ARMC2: variants seen among roughly 807,000 people sequenced by gnomAD.
The protein encoded by ARMC2 is armadillo repeat containing 2.
ARMC2 carries 67 observed loss-of-function variants against 90.3 expected under a neutral mutation model. That is an observed-to-expected ratio of 0.74 (90% CI 0.61 to 0.91). The LOEUF (loss-of-function observed/expected upper bound fraction) is 0.91, where lower values mean the gene tolerates loss of function less well. ARMC2 is among the 40% of genes least tolerant of loss of function. The pLI is 0.00. For synonymous variants in ARMC2, 393 were observed against 393.0 expected (o/e 1.00, Z 0.00); for missense variants, 920 against 1,030.9 (o/e 0.89, Z 1.47).
At chr6:108,948,684 TC>T (rs1303058133) in intron 12 of ARMC2, among the ~76,000 whole-genome samples, 1 of 151,768 alleles carries the variant, frequency 6.6e-6, no homozygotes, top group Non-Finnish European at 1.5e-5. Flanking sequence ...TAGAGCTTCT[TC>T]TTCTGCACTG....
At chr6:108,924,382 G>C (rs988130027) in intron 10 of ARMC2, among the ~76,000 whole-genome samples, 3 of 152,170 alleles carry the variant, frequency 2.0e-5, no homozygotes, top group African/African-American at 7.2e-5. Flanking sequence ...GCAGGGTGTG[G>C]TGGTGCTTGC....
chr6:109,013,743 A>G, the ARMC2 span, among the ~76,000 whole-genome samples: 1 of 152,156 alleles, frequency 6.6e-6, no homozygotes. Context: ...TGGGAGTGGG[A>G]TTTGTTACAT....
intron 3 of ARMC2, among the ~76,000 whole-genome samples, chr6:108,861,144 C>CT (rs1453628366): frequency 3.3e-5 from 5 of 152,198 alleles, no homozygotes; most frequent in Non-Finnish European, 7.3e-5. Context: ...ATCCTCCTTA[C>CT]TTTAGCCACT....
Position 108,907,996 on chromosome 6 carries a change from T to C in ARMC2, c.1024-2903T>C, listed in dbSNP as rs1373205616. ...CATTTATTAAGGTTCCCATTTCCTA[T>C]TTTCCTCCTGGGAACAGAAGGAATC... On this transcript the variant is annotated intron_variant, in intron 8 of 17. Coordinates refer to ENST00000392644, the MANE Select transcript of ARMC2 (RefSeq NM_032131.6). The C allele has an allele frequency of 5.5e-6, 5 of 908,668 alleles. No individual in the cohort carries two copies. The Admixed American group carries it at 1.4e-4, about 26-fold the overall frequency. 56.3% of individuals were successfully genotyped at this position (908,668 alleles called of 1,614,324 possible).
In ARMC2 at chr6:108,936,969, G is replaced by A. The variant is rs1352576841; in HGVS notation, c.1566G>A (p.Leu522=). Residue 522 remains leucine (L), a synonymous_variant, in exon 12 of 18, where the codon CTG becomes CTA. Transcript: ENST00000392644. ...ATTCCAGATGTTATGCCTTATTTCT[G>A]AATCTAATTAACAAATACCAGAAGA... ...ASYSRCYALF[L]NLINKYQKKQ... is the part of the protein sequence containing the mutation. The A allele has an allele frequency of 6.2e-7, 1 of 1,600,032 alleles. No individual in the cohort carries two copies. The highest frequency in any genetic ancestry group is 8.5e-7 in the Non-Finnish European group (1 of 1,172,600).
At chr6:108,896,658 G>A (rs759835982) in intron 6 of ARMC2, among the ~76,000 whole-genome samples, 7 of 152,210 alleles carry the variant, frequency 4.6e-5, no homozygotes, top group South Asian at 2.1e-4. Flanking sequence ...AGAAGGGCCC[G>A]TAAGGGTTAA....
intron 1 of ARMC2, among the ~76,000 whole-genome samples, chr6:108,852,040 A>G (rs1774064768): frequency 2.6e-5 from 4 of 152,288 alleles, no homozygotes; most frequent in South Asian, 4.1e-4. Flanking sequence ...GATTTGCTCT[A>G]CTTGGAAGGA....
intron 8 of ARMC2, among the ~76,000 whole-genome samples, chr6:108,908,505 A>T (rs1773045089): frequency 6.6e-6 from 1 of 152,228 alleles, no homozygotes; most frequent in Admixed American, 6.5e-5. Flanking sequence ...CTGAAAACTC[A>T]TTAATAAAAT....
intron 5 of ARMC2, among the ~76,000 whole-genome samples, chr6:108,883,632 C>T (rs1207157830): frequency 1.3e-5 from 2 of 152,122 alleles, no homozygotes; most frequent in African/African-American, 4.8e-5. Context: ...TAATGTTTTT[C>T]ATTACTTTTT....
the ARMC2 span, among the ~76,000 whole-genome samples, chr6:109,048,098 A>G: frequency 1.5e-5 from 2 of 132,516 alleles, no homozygotes; most frequent in Non-Finnish European, 3.4e-5. Flanking sequence ...CAATAAAAAA[A>G]TAAATTAAAA....
the ARMC2 span, among the ~76,000 whole-genome samples, chr6:108,981,497 A>G: frequency 6.6e-6 from 1 of 152,168 alleles, no homozygotes; most frequent in Non-Finnish European, 1.5e-5. Flanking sequence ...GCTCTTGGCA[A>G]CCATCATTCT....
chr6:108,890,757 ATTG>A (rs1288587855), intron 5 of ARMC2, among the ~76,000 whole-genome samples: 2 of 152,062 alleles, frequency 1.3e-5, no homozygotes, highest in African/African-American at 4.8e-5. Context: ...TTCTAACATT[ATTG>A]TTACTTTTTT....
the ARMC2 span, chr6:108,998,782 A>G: frequency 2.5e-6 from 4 of 1,587,448 alleles, no homozygotes; most frequent in Non-Finnish European, 3.4e-6. Flanking sequence ...AAAAGAATAT[A>G]TTTTTGTACT....
intron 17 of ARMC2, among the ~76,000 whole-genome samples, chr6:108,965,978 T>A (rs1030025467): frequency 1.3e-5 from 2 of 151,020 alleles, no homozygotes; most frequent in Non-Finnish European, 2.9e-5. Context: ...ATTTAAAAAA[T>A]TTTTATAATT....
chr6:108,942,450 C>T (rs920531535), intron 12 of ARMC2, among the ~76,000 whole-genome samples: 2 of 152,096 alleles, frequency 1.3e-5, no homozygotes, highest in African/African-American at 4.8e-5. Context: ...ATTTGTTTTT[C>T]CTCTTAATGT....
At chr6:108,931,671 A>G (rs939882939) in intron 11 of ARMC2, among the ~76,000 whole-genome samples, 1 of 151,114 alleles carries the variant, frequency 6.6e-6, no homozygotes, top group Non-Finnish European at 1.5e-5. Context: ...TCTCTAATGT[A>G]TTTGTATTTC....
intron 2 of ARMC2, among the ~76,000 whole-genome samples, chr6:108,857,533 T>TA (rs1433052448): frequency 4.6e-5 from 7 of 152,328 alleles, no homozygotes; most frequent in African/African-American, 1.7e-4. Context: ...GCTGGGATGT[T>TA]CTGTATGATA....
chr6:108,869,005 T>C lies in ARMC2; in HGVS notation c.463+10T>C, dbSNP rs1476077133. 1 of 1,586,902 alleles carries C rather than the reference T, an allele frequency of 6.3e-7. No homozygotes were observed. Among genetic ancestry groups the C allele is most frequent in the East Asian group, 2.3e-5 (1 of 44,328 alleles). On this transcript the variant is annotated intron_variant, in intron 4 of 17. Coordinates refer to ENST00000392644, the MANE Select transcript of ARMC2 (RefSeq NM_032131.6). ...CTTCCTCCCTCCGACTGTAAGGCCA[T>C]GTAACATCCTGTAATCTCTGGGGAC...
chr6:109,036,803 A>T, the ARMC2 span, among the ~76,000 whole-genome samples: 20 of 152,304 alleles, frequency 1.3e-4, no homozygotes, highest in Non-Finnish European at 2.8e-4. Flanking sequence ...GTAGAGTATC[A>T]TATGTTCACT....
Sources: allele counts gnomAD v4.1 joint callset (sites outside exome capture counted in the v4.1 genomes callset), GRCh38; gene constraint gnomAD v4.1.1; transcripts MANE v1.5; gene names NCBI Gene and HGNC (gene_info 2026-07-23, HGNC 2026-07-21).